Variants in TENM1 observed in about 807,000 individuals in gnomAD.
TENM1 encodes the protein teneurin transmembrane protein 1.
TENM1 carries 35 observed loss-of-function variants against 174.8 expected under a neutral mutation model. The ratio of observed to expected loss-of-function variants is 0.20; its 90% confidence interval spans 0.15 to 0.27. The LOEUF is 0.27. TENM1 is among the 10% of genes least tolerant of loss of function. The pLI is 1.00. For missense variants in TENM1, 1,633 were observed against 2,130.1 expected (o/e 0.77, Z 4.59); for synonymous variants, 781 against 798.7 (o/e 0.98, Z 0.37).
chrX:124,884,355 C>A (rs1429218685), intron 3 of TENM1, among the ~76,000 whole-genome samples: 4 of 106,501 alleles, frequency 3.8e-5, no homozygotes, highest in Non-Finnish European at 7.7e-5. Context: ...AAAATGGTGT[C>A]ATGCTGTAGC....
chrX:124,685,849 G>A (rs113776955), intron 5 of TENM1, among the ~76,000 whole-genome samples: 8 of 111,762 alleles, frequency 7.2e-5, no homozygotes, highest in South Asian at 3.7e-4. Flanking sequence ...GTGAGCCACC[G>A]TGCCTGGCCT....
intron 18 of TENM1, among the ~76,000 whole-genome samples, chrX:124,515,269 T>C (rs1318800634): frequency 9.0e-6 from 1 of 111,660 alleles, no homozygotes; most frequent in Non-Finnish European, 1.9e-5. Context: ...CCTGGAAGCA[T>C]TCCCCTTGAA....
chrX:124,892,348 T>C (rs1208642759), intron 3 of TENM1, among the ~76,000 whole-genome samples: 1 of 111,635 alleles, frequency 9.0e-6, no homozygotes, highest in East Asian at 2.8e-4. Flanking sequence ...AGTTCAAGTG[T>C]TTTAGTGTTG....
At chrX:124,482,059 G>T in intron 21 of TENM1, 95 bp from the exon 25 acceptor site, 1 of 493,788 alleles carries the variant, frequency 2.0e-6, no homozygotes, top group Non-Finnish European at 3.5e-6. Context: ...TCTTTTGATA[G>T]ATGAGTGAAT....
intron 3 of TENM1, among the ~76,000 whole-genome samples, chrX:124,849,122 G>T (rs940737899): frequency 9.0e-6 from 1 of 111,208 alleles, no homozygotes; most frequent in Admixed American, 9.5e-5. Context: ...GTATTTGCAT[G>T]TTGAATTAGG....
chrX:124,861,999 A>G (rs191506102), intron 3 of TENM1, among the ~76,000 whole-genome samples: 1 of 111,989 alleles, frequency 8.9e-6, no homozygotes, highest in Non-Finnish European at 1.9e-5. Context: ...TAGCTTGAAT[A>G]TATTACCATA....
At chrX:124,826,246 T>TA (rs2056158110) in intron 3 of TENM1, among the ~76,000 whole-genome samples, 1 of 109,735 alleles carries the variant, frequency 9.1e-6, no homozygotes, top group South Asian at 4.0e-4. Flanking sequence ...CCGTCTCTAT[T>TA]AAAAATTGAA....
At chrX:125,063,643 A>G in the TENM1 span, among the ~76,000 whole-genome samples, 1 of 111,963 alleles carries the variant, frequency 8.9e-6, no homozygotes, top group Non-Finnish European at 1.9e-5. Flanking sequence ...AATGGTGATC[A>G]TTAAAAAGTC....
intron 3 of TENM1, among the ~76,000 whole-genome samples, chrX:124,754,230 C>G (rs1381736332): frequency 7.2e-5 from 8 of 111,115 alleles, no homozygotes; most frequent in Non-Finnish European, 1.1e-4. Context: ...GTGTATGTGT[C>G]GAGGAATTTA....
At chrX:125,162,488 C>G in the TENM1 span, among the ~76,000 whole-genome samples, 1 of 111,654 alleles carries the variant, frequency 9.0e-6, no homozygotes, top group Non-Finnish European at 1.9e-5. Flanking sequence ...TCAGCCTATT[C>G]AGCTTTTCTG....
chrX:125,001,971 AC>A, the TENM1 span, among the ~76,000 whole-genome samples: 2 of 103,721 alleles, frequency 1.9e-5, no homozygotes, highest in Non-Finnish European at 3.9e-5. Context: ...ACACACACAC[AC>A]AAGATCAAGT....
chrX:125,012,585 A>G, the TENM1 span, among the ~76,000 whole-genome samples: 1 of 111,996 alleles, frequency 8.9e-6, no homozygotes, highest in Non-Finnish European at 1.9e-5. Context: ...TAATAACTAA[A>G]GTGTTTCATT....
At chrX:125,064,142 A>G in the TENM1 span, among the ~76,000 whole-genome samples, 3 of 98,320 alleles carry the variant, frequency 3.1e-5, no homozygotes, top group Admixed American at 3.4e-4. Flanking sequence ...GGGGGACATC[A>G]CACACCGGGG....
At chrX:125,058,531 T>C in the TENM1 span, among the ~76,000 whole-genome samples, 1 of 111,689 alleles carries the variant, frequency 9.0e-6, no homozygotes, top group Non-Finnish European at 1.9e-5. Flanking sequence ...CCATGCAGCA[T>C]TTTCACAAGC....
chrX:125,073,636 T>A, the TENM1 span, among the ~76,000 whole-genome samples: 386 of 111,169 alleles, frequency 3.5e-3, 1 homozygote, highest in African/African-American at 0.012. Flanking sequence ...TGTGGCATTG[T>A]AGGTATGTGG....
chrX:124,852,338 CTAT>C (rs1316323364), intron 3 of TENM1, among the ~76,000 whole-genome samples: 1 of 109,214 alleles, frequency 9.2e-6, no homozygotes, highest in African/African-American at 3.3e-5. Context: ...AATCAGGTAA[CTAT>C]TATTATATCA....
At chrX:124,710,412 T>G (rs1166504686) in intron 4 of TENM1, among the ~76,000 whole-genome samples, 2 of 112,159 alleles carry the variant, frequency 1.8e-5, no homozygotes, top group African/African-American at 3.2e-5. Context: ...ATAATTGGAT[T>G]TTTGAGACAA....
intron 3 of TENM1, among the ~76,000 whole-genome samples, chrX:124,869,874 C>A (rs928143273): frequency 3.6e-5 from 4 of 110,334 alleles, no homozygotes; most frequent in African/African-American, 1.3e-4. Context: ...TTAATGTATA[C>A]AAAAAATAGA....
chrX:125,096,862 C>G, the TENM1 span, among the ~76,000 whole-genome samples: 1 of 105,550 alleles, frequency 9.5e-6, no homozygotes, highest in African/African-American at 3.6e-5. Context: ...TAGAGAAATA[C>G]TAGTAGCAGA....
Sources: allele counts gnomAD v4.1 joint callset (sites outside exome capture counted in the v4.1 genomes callset), GRCh38; gene constraint gnomAD v4.1.1; transcripts MANE v1.5; gene names NCBI Gene and HGNC (gene_info 2026-07-23, HGNC 2026-07-21).